The following PLCH1 variants were observed in gnomAD, a reference collection of about 807,000 sequenced individuals.
PLCH1 encodes 1-phosphatidylinositol 4,5-bisphosphate phosphodiesterase eta-1.
Under a neutral mutation model 126.7 loss-of-function variants are expected in PLCH1, and 60 were observed. The ratio of observed to expected loss-of-function variants is 0.47; its 90% CI spans 0.38 to 0.59. The LOEUF (loss-of-function observed/expected upper bound fraction) is 0.59, where lower values mean the gene tolerates loss of function less well. PLCH1 is among the 20% of genes least tolerant of loss of function. PLCH1 has a pLI of 0.00. For missense variants in PLCH1, 1,723 were observed against 2,040.0 expected (o/e 0.84, Z 2.99); for synonymous variants, 719 against 734.9 (o/e 0.98, Z 0.35).
At chr3:155,573,172 A>G (rs1397412232) in intron 6 of PLCH1, among the ~76,000 whole-genome samples, 1 of 151,810 alleles carries the variant, frequency 6.6e-6, no homozygotes, top group Admixed American at 6.6e-5. Flanking sequence ...TATTGTCTCT[A>G]TTTATTTGCT....
chr3:155,728,195 A>G (rs1748487444), intron 1 of PLCH1, among the ~76,000 whole-genome samples: 1 of 152,160 alleles, frequency 6.6e-6, no homozygotes, highest in Non-Finnish European at 1.5e-5. Flanking sequence ...AAATGGTATC[A>G]GCGGGGGGCG....
intron 6 of PLCH1, 96 bp from the exon 7 acceptor site, chr3:155,568,420 C>T (rs1206830993): frequency 1.8e-5 from 10 of 562,200 alleles, no homozygotes; most frequent in South Asian, 1.3e-4. Context: ...TTCTTCACAC[C>T]GTACAAAGTA....
In PLCH1 at chr3:155,500,691, A is replaced by T; in HGVS notation, c.1796+12T>A. On this transcript the variant is annotated intron_variant, in intron 14 of 22. Transcript: ENST00000460012. ...AGGAGTGTGAGTAGGAAACATGGAG[A>T]TGCTTTCTTACCTGTACAGCTGGCC... 1 of 1,553,750 alleles carries T rather than the reference A, an allele frequency of 6.4e-7. No homozygotes were observed.
intron 2 of PLCH1, among the ~76,000 whole-genome samples, chr3:155,702,896 G>A (rs146843537): frequency 1.3e-3 from 194 of 152,278 alleles, no homozygotes; most frequent in African/African-American, 4.4e-3. Flanking sequence ...GAAAAGCAAC[G>A]CAGAACCTCA....
chr3:155,693,913 G>A (rs6794329), intron 2 of PLCH1, among the ~76,000 whole-genome samples: 16,002 of 151,554 alleles, frequency 0.11, 1,050 homozygotes, highest in African/African-American at 0.19. Context: ...CTGGGCCTCA[G>A]GAGCGAAACT....
At chr3:155,610,919 G>A (rs1324339766) in intron 2 of PLCH1, among the ~76,000 whole-genome samples, 1 of 152,034 alleles carries the variant, frequency 6.6e-6, no homozygotes, top group Non-Finnish European at 1.5e-5. Context: ...GATACAGGAT[G>A]GCAGAATGAA....
chr3:155,692,259 A>G (rs1559939757), intron 2 of PLCH1, among the ~76,000 whole-genome samples: 1 of 152,318 alleles, frequency 6.6e-6, no homozygotes, highest in East Asian at 1.9e-4. Flanking sequence ...TATAAAGTCA[A>G]GATTTTCATG....
intron 2 of PLCH1, among the ~76,000 whole-genome samples, chr3:155,660,657 T>A (rs186953870): frequency 6.6e-6 from 1 of 152,066 alleles, no homozygotes; most frequent in South Asian, 2.1e-4. Flanking sequence ...GGGTAGGGGG[T>A]TTGCCCTAAA....
intron 18 of PLCH1, among the ~76,000 whole-genome samples, chr3:155,491,551 C>T (rs1392644455): frequency 6.6e-6 from 1 of 152,168 alleles, no homozygotes; most frequent in African/African-American, 2.4e-5. Flanking sequence ...ATGTGAGCCA[C>T]CGTGCCTGGT....
chr3:155,737,746 C>T (rs184643029), intron 1 of PLCH1, among the ~76,000 whole-genome samples: 80 of 152,304 alleles, frequency 5.3e-4, no homozygotes, highest in Non-Finnish European at 8.8e-4. Context: ...AGCAAATCAA[C>T]TCACTGAATT....
chr3:155,588,532 C>CTATAATTCTTTATCAAA (rs1202620345), intron 4 of PLCH1, among the ~76,000 whole-genome samples: 2 of 152,168 alleles, frequency 1.3e-5, no homozygotes, highest in African/African-American at 4.8e-5. Flanking sequence ...TCCTTTTACT[C>CTATAATTCTTTATCAAA]TATAATTCTT....
At chr3:155,625,482 G>A (rs1465514004) in intron 2 of PLCH1, among the ~76,000 whole-genome samples, 1 of 152,042 alleles carries the variant, frequency 6.6e-6, no homozygotes, top group Non-Finnish European at 1.5e-5. Flanking sequence ...GAAAATTTTT[G>A]CAACCTATCC....
At chr3:155,589,401 T>A (rs1731808525) in intron 4 of PLCH1, among the ~76,000 whole-genome samples, 1 of 152,218 alleles carries the variant, frequency 6.6e-6, no homozygotes, top group Admixed American at 6.5e-5. Context: ...GAAATTCTAA[T>A]TTCAAGTAAT....
rs543595994 is a variant in PLCH1, at chr3:155,601,367, G to T, written c.80-4989C>A. On this transcript the variant is annotated intron_variant, in intron 2 of 22. Transcript: ENST00000460012. ...TTAATATAAGTAAATTTCCTTAGGG[G>T]CTATAAGGTCACTAAATCCCTCAAG... is the stretch of plus-strand genomic sequence containing the variant. Among the ~76,000 whole-genome samples the T allele has an allele frequency of 2.9e-4, 44 of 151,944 alleles. 1 individual carries two copies. The highest frequency in any genetic ancestry group is 5.7e-4 in the Non-Finnish European group (39 of 68,006).
At position 155,586,195 on chromosome 3, in the gene PLCH1, G is replaced by A. The variant is rs753615312; in HGVS notation, c.471-1C>T. 1.2e-6 allele frequency: 2 copies of A among 1,613,892 alleles called. No individual in the cohort carries two copies. Among genetic ancestry groups the A allele is most frequent in the Admixed American group, 1.7e-5 (1 of 59,982 alleles). ...TTCCTCAAAGGTCTGCTTCACCCATGTGCAGAAAGGTCAAAGAAAACACCT... is the reference window on the plus strand; with the variant it reads ...TTCCTCAAAGGTCTGCTTCACCCATATGCAGAAAGGTCAAAGAAAACACCT... On this transcript the variant is annotated splice_acceptor_variant, in intron 4 of 22. Coordinates refer to ENST00000460012, the MANE Select transcript of PLCH1 (RefSeq NM_014996.4). LOFTEE classifies it high-confidence loss of function.
At chr3:155,486,041 T>A (rs1449573592) in intron 21 of PLCH1, 1 of 737,906 alleles carries the variant, frequency 1.4e-6, no homozygotes, top group Non-Finnish European at 2.2e-6. Flanking sequence ...AGATGCATGT[T>A]TCAAAGTGGT....
intron 8 of PLCH1, among the ~76,000 whole-genome samples, chr3:155,563,906 G>A (rs192487049): frequency 7.9e-5 from 12 of 151,740 alleles, no homozygotes; most frequent in East Asian, 1.9e-4. Flanking sequence ...TCAACCAACC[G>A]GTGAAATTTT....
intron 5 of PLCH1, among the ~76,000 whole-genome samples, chr3:155,583,907 G>T (rs965938931): frequency 7.2e-6 from 1 of 137,986 alleles, no homozygotes; most frequent in South Asian, 2.2e-4. Flanking sequence ...AATCAACAAA[G>T]AAACCTTAAA....
At chr3:155,472,051 A>G (rs1215555830) in intron 21 of PLCH1, among the ~76,000 whole-genome samples, 1 of 152,242 alleles carries the variant, frequency 6.6e-6, no homozygotes, top group Non-Finnish European at 1.5e-5. Flanking sequence ...TTCAAAAGCT[A>G]GCAGAAGGCA....
Sources: gnomAD v4.1 joint callset for allele counts (sites outside exome capture counted in the v4.1 genomes callset) on GRCh38, gnomAD v4.1.1 for gene constraint, MANE v1.5 for transcripts, NCBI Gene and HGNC (gene_info 2026-07-23, HGNC 2026-07-21) for gene names.